CNTN3: variants seen among roughly 807,000 people sequenced by gnomAD.
CNTN3 encodes the protein contactin 3.
A neutral mutation model predicts 119.1 loss-of-function variants in CNTN3; 60 were observed. The ratio of observed to expected loss-of-function variants is 0.50; its 90% CI spans 0.41 to 0.62. The LOEUF is 0.62. Ranked by LOEUF, CNTN3 falls within the 20% of genes least tolerant of loss-of-function variation. The pLI is 0.00. For synonymous variants in CNTN3, 450 were observed against 438.7 expected (o/e 1.03, Z -0.32); for missense variants, 1,101 against 1,242.4 (o/e 0.89, Z 1.71).
At chr3:74,491,404 A>G (rs987972400) in intron 3 of CNTN3, among the ~76,000 whole-genome samples, 1 of 152,060 alleles carries the variant, frequency 6.6e-6, no homozygotes, top group African/African-American at 2.4e-5. Flanking sequence ...TCGGGAGACT[A>G]AGGTGAGAGG....
At chr3:74,326,856 C>T (rs1703144788) in intron 13 of CNTN3, among the ~76,000 whole-genome samples, 1 of 152,006 alleles carries the variant, frequency 6.6e-6, no homozygotes, top group African/African-American at 2.4e-5. Flanking sequence ...TTGTGTGTAG[C>T]CTCACCTTGT....
chr3:74,558,669 C>G (rs1479210233), intron 1 of CNTN3, among the ~76,000 whole-genome samples: 1 of 151,980 alleles, frequency 6.6e-6, no homozygotes, highest in African/African-American at 2.4e-5. Context: ...ATTTGTTCAT[C>G]TGTAACATGG....
At chr3:74,596,614 TGGGAAA>T (rs1704815127) in intron 1 of CNTN3, among the ~76,000 whole-genome samples, 1 of 152,080 alleles carries the variant, frequency 6.6e-6, no homozygotes, top group Non-Finnish European at 1.5e-5. Context: ...TAAATGGTGC[TGGGAAA>T]ACTGGCTAGC....
intron 1 of CNTN3, among the ~76,000 whole-genome samples, chr3:74,529,627 C>A (rs1486170415): frequency 6.6e-6 from 1 of 151,648 alleles, no homozygotes; most frequent in Non-Finnish European, 1.5e-5. Context: ...TCATTTATTA[C>A]ACTAGTGTTC....
chr3:74,429,430 T>C (rs922803883), intron 4 of CNTN3, among the ~76,000 whole-genome samples: 3 of 130,884 alleles, frequency 2.3e-5, no homozygotes, highest in African/African-American at 7.8e-5. Context: ...TGCAATTCAA[T>C]GGAAGGAGAG....
At chr3:74,435,152 A>G (rs1471224850) in intron 4 of CNTN3, among the ~76,000 whole-genome samples, 2 of 152,162 alleles carry the variant, frequency 1.3e-5, no homozygotes, top group African/African-American at 2.4e-5. Context: ...CATTACCATC[A>G]TATTAATTTT....
chr3:74,584,230 C>T (rs1273690875), intron 1 of CNTN3, among the ~76,000 whole-genome samples: 2 of 152,000 alleles, frequency 1.3e-5, no homozygotes, highest in Non-Finnish European at 2.9e-5. Flanking sequence ...AAATATGACA[C>T]CTTACATAGC....
chr3:74,354,406 A>T (rs1305980409), intron 11 of CNTN3, among the ~76,000 whole-genome samples: 1 of 152,106 alleles, frequency 6.6e-6, no homozygotes, highest in Non-Finnish European at 1.5e-5. Flanking sequence ...AAGTTAAATA[A>T]TCTTTAAAAT....
intron 1 of CNTN3, among the ~76,000 whole-genome samples, chr3:74,589,899 T>C (rs1342188073): frequency 2.8e-5 from 4 of 142,676 alleles, no homozygotes; most frequent in African/African-American, 5.2e-5. Context: ...TGGATGGGAA[T>C]TGTACAATGA....
intron 5 of CNTN3, among the ~76,000 whole-genome samples, chr3:74,386,416 G>C (rs1035587330): frequency 2.6e-5 from 4 of 152,074 alleles, no homozygotes. Flanking sequence ...CCCAGAGTTC[G>C]AGACCAGCCT....
chr3:74,468,649 G>A (rs557040817), intron 4 of CNTN3, among the ~76,000 whole-genome samples: 2 of 152,250 alleles, frequency 1.3e-5, no homozygotes, highest in East Asian at 1.9e-4. Context: ...ACCCACAGCT[G>A]AGAACAAAAC....
chr3:74,300,014 T>G, intron 16 of CNTN3, 76 bp from the exon 17 acceptor site: 2 of 891,118 alleles, frequency 2.2e-6, no homozygotes, highest in Non-Finnish European at 3.2e-6. Context: ...ATGCAATGTT[T>G]TTTTAATATT....
intron 4 of CNTN3, among the ~76,000 whole-genome samples, chr3:74,452,983 T>C (rs1702189989): frequency 6.6e-6 from 1 of 151,520 alleles, no homozygotes; most frequent in Admixed American, 6.6e-5. Context: ...TTCTCTTTTT[T>C]GGTTGTGTCT....
chr3:74,562,597 T>G (rs1346081483), intron 1 of CNTN3, among the ~76,000 whole-genome samples: 1 of 152,152 alleles, frequency 6.6e-6, no homozygotes, highest in African/African-American at 2.4e-5. Flanking sequence ...CAAAATGAGT[T>G]CATGGTAGGC....
At chr3:74,383,076 C>T (rs899467275) in intron 5 of CNTN3, among the ~76,000 whole-genome samples, 20 of 152,242 alleles carry the variant, frequency 1.3e-4, no homozygotes, top group Admixed American at 4.6e-4. Context: ...TCACAATTTC[C>T]ACTACTTGGG....
chr3:74,398,752 A>G (rs1705116756), intron 5 of CNTN3, among the ~76,000 whole-genome samples: 1 of 152,204 alleles, frequency 6.6e-6, no homozygotes, highest in South Asian at 2.1e-4. Flanking sequence ...GCCAGGCCTT[A>G]AAGACACTTA....
At chr3:74,336,317 C>A (rs761164655) in intron 12 of CNTN3, among the ~76,000 whole-genome samples, 5 of 152,088 alleles carry the variant, frequency 3.3e-5, no homozygotes, top group Non-Finnish European at 5.9e-5. Flanking sequence ...CCTATCAACC[C>A]AGCACAGTAA....
chr3:74,549,047 CA>C (rs1559653743), intron 1 of CNTN3, among the ~76,000 whole-genome samples: 2 of 152,170 alleles, frequency 1.3e-5, no homozygotes, highest in African/African-American at 4.8e-5. Flanking sequence ...CAGACTGATA[CA>C]ATTTGACTCT....
intron 1 of CNTN3, among the ~76,000 whole-genome samples, chr3:74,587,484 T>A (rs62266474): frequency 0.041 from 6,304 of 152,136 alleles, 152 homozygotes; most frequent in Non-Finnish European, 0.06. Flanking sequence ...AACTTGGGTC[T>A]CTGTGTAACT....
Sources: allele counts gnomAD v4.1 joint callset (sites outside exome capture counted in the v4.1 genomes callset), GRCh38; gene constraint gnomAD v4.1.1; transcripts MANE v1.5; gene names NCBI Gene and HGNC (gene_info 2026-07-23, HGNC 2026-07-21).